The following FMN2 variants were observed in gnomAD, a reference collection of about 807,000 sequenced individuals.
FMN2 encodes the protein formin-2.
A neutral mutation model predicts 142.3 loss-of-function variants in FMN2; 51 were observed. The observed-to-expected ratio is 0.36, with a 90% confidence interval of 0.29 to 0.45. The LOEUF is 0.45. Among genes scored for constraint, FMN2 ranks in the 20% least tolerant of loss-of-function variants. The probability of loss-of-function intolerance (pLI) is 1.00; values close to 1 mark genes in which losing one functional copy is unlikely to be tolerated. For missense variants in FMN2, 1,936 were observed against 2,122.8 expected (o/e 0.91, Z 1.73); for synonymous variants, 882 against 869.8 (o/e 1.01, Z -0.25).
At chr1:240,185,524 A>C (rs1430238085) in intron 3 of FMN2, among the ~76,000 whole-genome samples, 1 of 152,194 alleles carries the variant, frequency 6.6e-6, no homozygotes, top group Non-Finnish European at 1.5e-5. Flanking sequence ...AGGAGCTGAA[A>C]GTTTGGGTGT....
chr1:240,432,475 A>C (rs1464334349), intron 15 of FMN2, among the ~76,000 whole-genome samples: 2 of 151,698 alleles, frequency 1.3e-5, no homozygotes, highest in Non-Finnish European at 3.0e-5. Flanking sequence ...ATTTTCTGTA[A>C]GATTTAGTTT....
intron 7 of FMN2, among the ~76,000 whole-genome samples, chr1:240,260,385 C>G (rs1025344981): frequency 3.3e-5 from 5 of 152,026 alleles, no homozygotes; most frequent in Non-Finnish European, 2.9e-5. Flanking sequence ...TAGAAATGTT[C>G]CCGTTTCACT....
chr1:240,099,906 A>G (rs188769867), intron 1 of FMN2, among the ~76,000 whole-genome samples: 69 of 151,982 alleles, frequency 4.5e-4, no homozygotes, highest in African/African-American at 1.6e-3. Flanking sequence ...TCCATCCATC[A>G]TCTCCTCTCC....
chr1:240,238,543 G>A (rs1174639223), intron 6 of FMN2, among the ~76,000 whole-genome samples: 3 of 152,076 alleles, frequency 2.0e-5, no homozygotes, highest in Non-Finnish European at 4.4e-5. Flanking sequence ...TTAATCTTGT[G>A]ATTTTGTTCT....
chr1:240,319,510 A>C (rs1208419091), intron 8 of FMN2, among the ~76,000 whole-genome samples: 1 of 152,244 alleles, frequency 6.6e-6, no homozygotes, highest in African/African-American at 2.4e-5. Flanking sequence ...GCATAATTTC[A>C]AAGAGTGTTT....
chr1:240,266,975 A>G (rs1209472438), intron 7 of FMN2, among the ~76,000 whole-genome samples: 2 of 152,140 alleles, frequency 1.3e-5, no homozygotes, highest in Non-Finnish European at 2.9e-5. Flanking sequence ...TAAATGTAAG[A>G]CCTCAAACTG....
chr1:240,338,271 A>G (rs576289353), intron 13 of FMN2, among the ~76,000 whole-genome samples: 4 of 152,320 alleles, frequency 2.6e-5, no homozygotes, highest in East Asian at 3.9e-4. Context: ...CCAGAGATTT[A>G]TAGGAAAAAC....
chr1:240,418,888 C>A, intron 15 of FMN2, among the ~76,000 whole-genome samples: 1 of 152,138 alleles, frequency 6.6e-6, no homozygotes, highest in East Asian at 1.9e-4. Flanking sequence ...AGGTGGATCA[C>A]CTGAGGTCAG....
At chr1:240,414,979 C>T (rs1674528399) in intron 15 of FMN2, among the ~76,000 whole-genome samples, 1 of 152,158 alleles carries the variant, frequency 6.6e-6, no homozygotes, top group Non-Finnish European at 1.5e-5. Context: ...AAATGTCTGA[C>T]ATTAGAAATG....
intron 3 of FMN2, among the ~76,000 whole-genome samples, chr1:240,186,081 A>T (rs886472031): frequency 2.6e-5 from 4 of 152,196 alleles, no homozygotes; most frequent in Non-Finnish European, 5.9e-5. Flanking sequence ...GTTTATTGCC[A>T]CTGTGACACT....
intron 15 of FMN2, among the ~76,000 whole-genome samples, chr1:240,424,003 T>C (rs1674855224): frequency 1.3e-5 from 2 of 152,328 alleles, no homozygotes; most frequent in South Asian, 4.1e-4. Flanking sequence ...TTAGTTTTAC[T>C]GATAACTACA....
chr1:240,175,015 A>G (rs942849766), intron 2 of FMN2, among the ~76,000 whole-genome samples: 1 of 152,106 alleles, frequency 6.6e-6, no homozygotes, highest in African/African-American at 2.4e-5. Context: ...GGCAACCACC[A>G]TTTGACTTTC....
chr1:240,193,433 G>A (rs970542348), intron 4 of FMN2, among the ~76,000 whole-genome samples: 3 of 152,230 alleles, frequency 2.0e-5, no homozygotes, highest in African/African-American at 7.2e-5. Context: ...AACAAAAAGG[G>A]TGAAGGTTGT....
intron 2 of FMN2, chr1:240,170,590 A>G: frequency 2.5e-6 from 4 of 1,570,844 alleles, no homozygotes; most frequent in Non-Finnish European, 2.6e-6. Flanking sequence ...TTTACATTAC[A>G]TGGGAACCAG....
At position 240,382,298 on chromosome 1, in the gene FMN2, A is replaced by G. The variant is rs531951217; in HGVS notation, c.4859-10213A>G. Among the ~76,000 whole-genome samples the G allele has an allele frequency of 2.0e-5, 3 of 152,336 alleles. No individual in the cohort carries two copies. In the South Asian group the frequency reaches 6.2e-4, roughly 32 times the overall value. On this transcript the variant is annotated intron_variant, in intron 14 of 17. Coordinates refer to ENST00000319653, the MANE Select transcript of FMN2 (RefSeq NM_020066.5). ...GTAAAAGATCTCTGCAAGGAGAACT[A>G]CAAAACACTGATGAAAGAAATTGTG...
At chr1:240,243,061 A>G (rs887996350) in intron 6 of FMN2, among the ~76,000 whole-genome samples, 7 of 152,018 alleles carry the variant, frequency 4.6e-5, no homozygotes, top group Non-Finnish European at 1.0e-4. Flanking sequence ...GAGGCTTACC[A>G]TTAATCTGAG....
chr1:240,468,206 A>ATATATATGTG (rs374934885), intron 16 of FMN2, among the ~76,000 whole-genome samples: 1 of 147,876 alleles, frequency 6.8e-6, no homozygotes, highest in African/African-American at 2.5e-5. Context: ...ATATATATAT[A>ATATATATGTG]TGTGTGTGTG....
intron 8 of FMN2, among the ~76,000 whole-genome samples, chr1:240,328,421 C>A (rs1406337258): frequency 6.6e-6 from 1 of 151,540 alleles, no homozygotes; most frequent in African/African-American, 2.4e-5. Flanking sequence ...GTATTATAGA[C>A]AGGCAAAATA....
At chr1:240,330,868 T>C (rs768541311) in intron 11 of FMN2, 119 bp downstream of exon 11, 10 of 1,237,792 alleles carry the variant, frequency 8.1e-6, no homozygotes, top group African/African-American at 3.1e-5. Flanking sequence ...AATGCTTCTT[T>C]ATGTTCTGAG....
Sources: allele counts gnomAD v4.1 joint callset (sites outside exome capture counted in the v4.1 genomes callset), GRCh38; gene constraint gnomAD v4.1.1; transcripts MANE v1.5; gene names NCBI Gene and HGNC (gene_info 2026-07-23, HGNC 2026-07-21).